TOX2: variants seen among roughly 807,000 people sequenced by gnomAD.
The protein encoded by TOX2 is TOX high mobility group box family member 2, also known as granulosa cell HMG box 1.
Under a neutral mutation model 47.4 loss-of-function variants are expected in TOX2, and 15 were observed. The ratio of observed to expected loss-of-function variants is 0.32; its 90% confidence interval spans 0.21 to 0.49. The LOEUF is 0.49. TOX2 is among the 20% of genes least tolerant of loss of function. The pLI, the probability that TOX2 is intolerant of heterozygous loss-of-function variation, is 0.99. For synonymous variants in TOX2, 290 were observed against 296.6 expected (o/e 0.98, Z 0.23); for missense variants, 622 against 673.1 (o/e 0.92, Z 0.84).
At chr20:43,948,260 G>T (rs948111390) in intron 1 of TOX2, among the ~76,000 whole-genome samples, 2 of 152,152 alleles carry the variant, frequency 1.3e-5, no homozygotes, top group African/African-American at 4.8e-5. Flanking sequence ...AGAAGTGGGA[G>T]GCCTGAGTTG....
At chr20:44,038,896 A>G (rs1337851753) in intron 3 of TOX2, 6 of 1,151,494 alleles carry the variant, frequency 5.2e-6, no homozygotes, top group Non-Finnish European at 6.6e-6. Context: ...CTGCGAAGCT[A>G]TTAAGCTCTG....
At chr20:44,020,267 A>G (rs1353014120) in intron 3 of TOX2, among the ~76,000 whole-genome samples, 2 of 152,152 alleles carry the variant, frequency 1.3e-5, no homozygotes, top group Non-Finnish European at 2.9e-5. Context: ...CACAGGCCAG[A>G]AGTAGGTGGA....
chr20:44,017,337 G>A (rs1379859517), intron 3 of TOX2, among the ~76,000 whole-genome samples: 1 of 152,158 alleles, frequency 6.6e-6, no homozygotes, highest in African/African-American at 2.4e-5. Context: ...GATGCTCTGG[G>A]GTGCTCACCG....
chr20:44,040,907 A>AGAT (rs966222936), intron 3 of TOX2, among the ~76,000 whole-genome samples: 32 of 152,294 alleles, frequency 2.1e-4, no homozygotes, highest in African/African-American at 7.7e-4. Flanking sequence ...AGATTTTAAA[A>AGAT]GATGGGAGAG....
At chr20:44,049,961 T>C (rs2071480208) in intron 3 of TOX2, among the ~76,000 whole-genome samples, 1 of 152,250 alleles carries the variant, frequency 6.6e-6, no homozygotes, top group African/African-American at 2.4e-5. Flanking sequence ...CACGTGCATG[T>C]ATCTTTATGA....
intron 1 of TOX2, among the ~76,000 whole-genome samples, chr20:43,935,289 C>T (rs2069310620): frequency 6.6e-6 from 1 of 152,208 alleles, no homozygotes; most frequent in South Asian, 2.1e-4. Flanking sequence ...CCGCCATCTT[C>T]CCTGTAAGCC....
At chr20:44,046,873 C>G (rs2145736169) in intron 3 of TOX2, among the ~76,000 whole-genome samples, 1 of 152,268 alleles carries the variant, frequency 6.6e-6, no homozygotes, top group South Asian at 2.1e-4. Context: ...CAATTTGTCT[C>G]TATAACAAAC....
intron 1 of TOX2, chr20:43,955,362 C>T (rs1472928647): frequency 5.3e-6 from 5 of 949,956 alleles, no homozygotes; most frequent in Non-Finnish European, 6.3e-6. Context: ...CGTTGTTTCC[C>T]CTTGGCTGGC....
intron 3 of TOX2, among the ~76,000 whole-genome samples, chr20:44,023,431 G>GGGAAAAAAAA (rs1555841868): frequency 1.7e-5 from 2 of 119,146 alleles, no homozygotes; most frequent in African/African-American, 3.4e-5. Context: ...CTTTATCTCA[G>GGGAAAAAAAA]AAAAAAAAAA....
At chr20:44,003,468 C>T (rs945653608) in intron 2 of TOX2, among the ~76,000 whole-genome samples, 1 of 152,108 alleles carries the variant, frequency 6.6e-6, no homozygotes, top group Non-Finnish European at 1.5e-5. Flanking sequence ...GGATTATAGG[C>T]CAACTCATTG....
intron 3 of TOX2, chr20:44,039,366 C>T (rs1306589641): frequency 8.1e-7 from 1 of 1,237,898 alleles, no homozygotes; most frequent in Non-Finnish European, 1.0e-6. Context: ...GAGCATTTTA[C>T]ATGGCTAGGC....
At chr20:43,952,804 C>T (rs1212768270) in intron 1 of TOX2, among the ~76,000 whole-genome samples, 1 of 152,164 alleles carries the variant, frequency 6.6e-6, no homozygotes, top group Non-Finnish European at 1.5e-5. Context: ...TTAGTCGGTA[C>T]TTACGGGACT....
chr20:43,976,805 T>C (rs201584521), intron 2 of TOX2, among the ~76,000 whole-genome samples: 36 of 127,982 alleles, frequency 2.8e-4, no homozygotes, highest in South Asian at 7.5e-4. Context: ...CACACACACA[T>C]ACACACATAC....
At chr20:43,973,918 T>G (rs2070024406) in intron 2 of TOX2, among the ~76,000 whole-genome samples, 2 of 152,276 alleles carry the variant, frequency 1.3e-5, no homozygotes, top group Non-Finnish European at 2.9e-5. Flanking sequence ...CAGAAGGTCT[T>G]ACTGGTGGCA....
chr20:43,982,586 G>T (rs1385286304), intron 2 of TOX2, among the ~76,000 whole-genome samples: 2 of 151,972 alleles, frequency 1.3e-5, no homozygotes, highest in Non-Finnish European at 2.9e-5. Context: ...CATTGGCAGG[G>T]GCCTGGTATG....
chr20:44,034,423 G>C (rs2071207118), intron 3 of TOX2, among the ~76,000 whole-genome samples: 1 of 152,186 alleles, frequency 6.6e-6, no homozygotes. Context: ...CAGGGTCTCA[G>C]ACATAAGAAT....
chr20:44,022,506 T>C (rs576543759), intron 3 of TOX2, among the ~76,000 whole-genome samples: 8 of 152,342 alleles, frequency 5.3e-5, no homozygotes, highest in Non-Finnish European at 1.0e-4. Flanking sequence ...TCCTTTCTGG[T>C]TCCCCCAGGA....
At chr20:43,927,514 A>T (rs2069185047) in intron 1 of TOX2, among the ~76,000 whole-genome samples, 1 of 127,646 alleles carries the variant, frequency 7.8e-6, no homozygotes, top group Admixed American at 7.6e-5. Context: ...CACACACATC[A>T]TGAGATATGC....
chr20:43,930,295 A>T (rs890569021), intron 1 of TOX2, among the ~76,000 whole-genome samples: 1 of 152,122 alleles, frequency 6.6e-6, no homozygotes, highest in Non-Finnish European at 1.5e-5. Context: ...CCCTGTTTAT[A>T]TGTTGTTGCC....
Sources: gnomAD v4.1 joint callset for allele counts (sites outside exome capture counted in the v4.1 genomes callset) on GRCh38, gnomAD v4.1.1 for gene constraint, MANE v1.5 for transcripts, NCBI Gene and HGNC (gene_info 2026-07-23, HGNC 2026-07-21) for gene names.